TRHDE: variants seen among roughly 807,000 people sequenced by gnomAD.
TRHDE encodes thyrotropin releasing hormone degrading enzyme, also known as thyrotropin-releasing hormone-degrading ectoenzyme.
Under a neutral mutation model 125.7 loss-of-function variants are expected in TRHDE, and 72 were observed. The ratio of observed to expected loss-of-function variants is 0.57; its 90% confidence interval spans 0.47 to 0.70. The LOEUF (loss-of-function observed/expected upper bound fraction) is 0.70. Among genes scored for constraint, TRHDE ranks in the 30% least tolerant of loss-of-function variants. The probability of loss-of-function intolerance (pLI) is 0.00; values close to 1 mark genes in which losing one functional copy is unlikely to be tolerated. For synonymous variants in TRHDE, 509 were observed against 509.1 expected, an observed-to-expected ratio of 1.00 and a Z score of 0.00; for missense variants, 1,110 against 1,327.1, an observed-to-expected ratio of 0.84 and a Z score of 2.54.
intron 3 of TRHDE, among the ~76,000 whole-genome samples, chr12:72,436,706 C>T (rs149194540): frequency 6.1e-4 from 93 of 151,954 alleles, no homozygotes; most frequent in South Asian, 2.1e-3. Context: ...AGATCATTGA[C>T]GTACTGAAGA....
chr12:72,226,809 C>T (rs1234143353), intron 2 of TRHDE, among the ~76,000 whole-genome samples: 4 of 152,108 alleles, frequency 2.6e-5, no homozygotes, highest in Non-Finnish European at 5.9e-5. Context: ...TGGCACATGG[C>T]TGAGAAACTA....
At chr12:72,497,519 C>T (rs2135933545) in intron 5 of TRHDE, among the ~76,000 whole-genome samples, 1 of 152,228 alleles carries the variant, frequency 6.6e-6, no homozygotes, top group South Asian at 2.1e-4. Context: ...ATAGAGCAGG[C>T]AATTGCTGTT....
At chr12:72,537,918 A>G (rs527543511) in intron 6 of TRHDE, among the ~76,000 whole-genome samples, 37 of 152,186 alleles carry the variant, frequency 2.4e-4, no homozygotes, top group South Asian at 1.0e-3. Flanking sequence ...TTACACTTCA[A>G]CATCTCTTAT....
chr12:72,562,990 T>C lies in TRHDE; in HGVS notation c.1992T>C (p.Phe664=), dbSNP rs1467107635. ...GAATAATAATTACCCAACAGCATTT[T>C]ATCTATGATATCAGTGCTAAAACTA... ...ENRIIITQQH[F]IYDISAKTKA... is the part of the protein sequence containing the mutation. Residue 664 remains phenylalanine, a synonymous_variant, in exon 9 of 19, where the codon TTT becomes TTC. Transcript: ENST00000261180. The C allele has an allele frequency of 1.9e-6, 3 of 1,609,062 alleles. No homozygotes were observed. The highest frequency in any genetic ancestry group is 2.5e-6 in the Non-Finnish European group (3 of 1,177,872).
chr12:72,270,165 A>G (rs1439056066), upstream of TRHDE, among the ~76,000 whole-genome samples: 2 of 152,218 alleles, frequency 1.3e-5, no homozygotes, highest in African/African-American at 2.4e-5. Context: ...CTTAAAATGC[A>G]TACAGCCAGA....
At chr12:72,307,389 G>A (rs1419363054) in intron 2 of TRHDE, among the ~76,000 whole-genome samples, 1 of 149,034 alleles carries the variant, frequency 6.7e-6, no homozygotes, top group Non-Finnish European at 1.5e-5. Context: ...TGGCCAGGCT[G>A]GTCTGGAACT....
intron 2 of TRHDE, chr12:72,264,065 T>C (rs1592505227): frequency 6.6e-6 from 1 of 152,150 alleles, no homozygotes; most frequent in East Asian, 1.9e-4. Flanking sequence ...ACACAAAAAA[T>C]GTAGCAATAA....
At chr12:72,383,726 T>C (rs1157181105) in intron 3 of TRHDE, among the ~76,000 whole-genome samples, 1 of 151,414 alleles carries the variant, frequency 6.6e-6, no homozygotes, top group Non-Finnish European at 1.5e-5. Flanking sequence ...TGTTTTTTTT[T>C]TTTTTTTCAT....
rs1279634648 is a variant in TRHDE, at chr12:72,653,066, T to C, written c.2894T>C (p.Ile965Thr). 2.5e-6 allele frequency: 4 copies of C among 1,608,154 alleles called. No homozygotes were observed. The highest frequency in any genetic ancestry group is 2.2e-5 in the South Asian group (2 of 90,562). The change falls in exon 17 of 19, where the codon ATT becomes ACT. Residue 965 changes from isoleucine (I) to threonine (T), a missense_variant. This residue lies in a region of TRHDE where 527 missense variants were observed against 651.8 expected (regional missense o/e 0.81). Coordinates refer to ENST00000261180, the MANE Select transcript of TRHDE (RefSeq NM_013381.3). The stretch of plus-strand genomic sequence containing the variant: ...GAGGTGGTGCTGGATCAAGATGCAA[T>C]TGATGTCATAATCCATGTAGCTCGA... ...NSEVVLDQDA[I>T]DVIIHVARNP...
intron 3 of TRHDE, among the ~76,000 whole-genome samples, chr12:72,428,787 C>T (rs377753626): frequency 7.5e-4 from 114 of 152,188 alleles, no homozygotes; most frequent in South Asian, 2.5e-3. Context: ...AATCTAACTA[C>T]GAATCTACTT....
intron 6 of TRHDE, among the ~76,000 whole-genome samples, chr12:72,518,368 A>C (rs11536216): frequency 0.38 from 55,899 of 145,706 alleles, 13,191 homozygotes; most frequent in African/African-American, 0.66. Flanking sequence ...GTTAGCTCTT[A>C]TTGTTGAATT....
chr12:72,305,025 CGAGA>C (rs146489032), intron 2 of TRHDE, among the ~76,000 whole-genome samples: 3 of 150,220 alleles, frequency 2.0e-5, no homozygotes, highest in South Asian at 2.1e-4. Context: ...AGAGCACATG[CGAGA>C]GAGAGAGAGA....
intron 2 of TRHDE, among the ~76,000 whole-genome samples, chr12:72,373,341 G>T (rs1328571875): frequency 3.9e-5 from 6 of 152,140 alleles, no homozygotes; most frequent in Non-Finnish European, 8.8e-5. Flanking sequence ...TGCAAACAGG[G>T]ACAATTTGAC....
intron 2 of TRHDE, among the ~76,000 whole-genome samples, chr12:72,194,352 G>A (rs1308895224): frequency 2.0e-5 from 3 of 152,036 alleles, no homozygotes; most frequent in African/African-American, 7.2e-5. Flanking sequence ...TATTGCACCA[G>A]CCTTCTTATG....
At chr12:72,110,871 G>GGGA (rs1358300477) in intron 2 of TRHDE, among the ~76,000 whole-genome samples, 1 of 152,120 alleles carries the variant, frequency 6.6e-6, no homozygotes, top group Non-Finnish European at 1.5e-5. Context: ...TTGTTTTAAT[G>GGGA]GGAGGAAATG....
At chr12:72,517,227 T>A (rs1403983151) in intron 6 of TRHDE, among the ~76,000 whole-genome samples, 1 of 151,514 alleles carries the variant, frequency 6.6e-6, no homozygotes, top group African/African-American at 2.4e-5. Flanking sequence ...TGGTACCAGT[T>A]CCTCCTTGTA....
In TRHDE at chr12:72,611,515, A is replaced by T. The variant is rs555626953; in HGVS notation, c.2322-7376A>T. On this transcript the variant is annotated intron_variant, in intron 12 of 18. Transcript: ENST00000261180. ...ATGATTTGAAAAGACAGCCCTCTTG[A>T]CCTTTTTGCACTTTCAACTTCTACT... 2.6e-5 allele frequency among the ~76,000 whole-genome samples: 4 copies of T among 152,292 alleles called. No individual in the cohort carries two copies. In the East Asian group the frequency reaches 7.7e-4, roughly 29 times the overall value.
At chr12:72,332,526 C>A (rs1030628008) in intron 2 of TRHDE, among the ~76,000 whole-genome samples, 1 of 152,146 alleles carries the variant, frequency 6.6e-6, no homozygotes, top group African/African-American at 2.4e-5. Flanking sequence ...AGATCCGCCC[C>A]CATGATCCAA....
At chr12:72,417,588 G>A (rs1288983028) in intron 3 of TRHDE, among the ~76,000 whole-genome samples, 1 of 151,868 alleles carries the variant, frequency 6.6e-6, no homozygotes, top group Admixed American at 6.6e-5. Context: ...ACTGGAAGGT[G>A]GGACTTTAGT....
Sources: allele counts gnomAD v4.1 joint callset (sites outside exome capture counted in the v4.1 genomes callset), GRCh38; gene constraint gnomAD v4.1.1; regional missense constraint gnomAD v4.1.1; transcripts MANE v1.5; gene names NCBI Gene and HGNC (gene_info 2026-07-23, HGNC 2026-07-21).